The following NUP214 variants were observed in gnomAD, a reference collection of about 807,000 sequenced individuals.
NUP214 encodes the protein nucleoporin 214, also known as nuclear pore complex protein Nup214.
Under a neutral mutation model 196.2 loss-of-function variants are expected in NUP214, and 79 were observed. The ratio of observed to expected loss-of-function variants is 0.40; its 90% confidence interval spans 0.34 to 0.49. The LOEUF (loss-of-function observed/expected upper bound fraction) is 0.49. Ranked by LOEUF, NUP214 falls within the 20% of genes least tolerant of loss-of-function variation. NUP214 has a pLI of 0.58. For missense variants in NUP214, 2,468 were observed against 2,539.0 expected (o/e 0.97, Z 0.60); for synonymous variants, 1,020 against 990.5 (o/e 1.03, Z -0.56).
At chr9:131,171,508 T>C (rs946182095) in intron 21 of NUP214, among the ~76,000 whole-genome samples, 1 of 151,932 alleles carries the variant, frequency 6.6e-6, no homozygotes, top group Non-Finnish European at 1.5e-5. Context: ...ACCTAGCGGC[T>C]TAAAACAGTA....
Position 131,125,680 on chromosome 9 carries a change from G to C in NUP214, c.-25G>C, listed in dbSNP as rs983888635. Reference sequence around the variant, plus strand: ...AAGGCCGTGGGAGGCAGCGTTGGCTGCTTCGACACACTGAGGGCGGCGCGA... The same window carrying C: ...AAGGCCGTGGGAGGCAGCGTTGGCTCCTTCGACACACTGAGGGCGGCGCGA... On this transcript the variant is annotated 5_prime_UTR_variant, in exon 1 of 36. Coordinates refer to ENST00000359428, the MANE Select transcript of NUP214 (RefSeq NM_005085.4). The surrounding 1 kb of genome is among the most constrained non-coding windows in gnomAD (Gnocchi z 4.1). The C allele has an allele frequency of 3.0e-5, 47 of 1,548,050 alleles. No individual in the cohort carries two copies. In the Middle Eastern group the frequency reaches 6.7e-4, roughly 22 times the overall value.
intron 30 of NUP214, among the ~76,000 whole-genome samples, chr9:131,206,148 C>CTTTTTTCTTTTTTTTTTTTTTTTT (rs1301657384): frequency 1.3e-5 from 1 of 76,388 alleles, no homozygotes; most frequent in African/African-American, 5.3e-5. Flanking sequence ...TTTCTTTTTT[C>CTTTTTTCTTTTTTTTTTTTTTTTT]TTTTTTTTTT....
chr9:131,146,116 T>C lies in NUP214; in HGVS notation c.1770-13T>C, dbSNP rs770724850. ...GCAGGCTCTTCTGAGGCCTTCAGGCTGCCATTTTTCAGGTTTACTGCTGCA... is the reference window on the plus strand; with the variant it reads ...GCAGGCTCTTCTGAGGCCTTCAGGCCGCCATTTTTCAGGTTTACTGCTGCA... On this transcript the variant is annotated splice_polypyrimidine_tract_variant and intron_variant, in intron 12 of 35. Coordinates refer to ENST00000359428, the MANE Select transcript of NUP214 (RefSeq NM_005085.4). The surrounding 1 kb of genome is among the most constrained non-coding windows in gnomAD (Gnocchi z 4.6). 2 of 1,613,986 alleles carry C rather than the reference T, an allele frequency of 1.2e-6. No homozygotes were observed. Among genetic ancestry groups the C allele is most frequent in the South Asian group, 1.1e-5 (1 of 91,082 alleles).
At position 131,201,696 on chromosome 9, in the gene NUP214, T is replaced by C. The variant is rs1833943680; in HGVS notation, c.5571T>C (p.Thr1857=). The C allele has an allele frequency of 6.2e-7, 1 of 1,614,048 alleles. No homozygotes were observed. The highest frequency in any genetic ancestry group is 1.3e-5 in the African/African-American group (1 of 75,062). ...CTGTGTTTGGTCAAGCAGCCAGTAC[T>C]GGTGGAATAGTCTTTGGCCAGGTAA... is the stretch of plus-strand genomic sequence containing the variant. ...TGSVFGQAAS[T]GGIVFGQQSS... Residue 1857 remains threonine (T), a synonymous_variant, in exon 30 of 36, where the codon ACT becomes ACC. Coordinates refer to ENST00000359428, the MANE Select transcript of NUP214 (RefSeq NM_005085.4).
intron 24 of NUP214, 79 bp downstream of exon 24, chr9:131,178,489 C>A: frequency 9.9e-7 from 1 of 1,010,966 alleles, no homozygotes; most frequent in Non-Finnish European, 1.5e-6. Flanking sequence ...AGCAGCAGTG[C>A]CACTGTCACA....
intron 33 of NUP214, chr9:131,229,477 T>C: frequency 3.0e-6 from 1 of 336,154 alleles, no homozygotes; most frequent in South Asian, 2.2e-5. Flanking sequence ...AAGGTTTGGG[T>C]TGGCTGGGTA....
chr9:131,174,333 G>A lies in NUP214; in HGVS notation c.3157+15G>A. 1 of 1,601,968 alleles carries A rather than the reference G, an allele frequency of 6.2e-7. No individual in the cohort carries two copies. Among genetic ancestry groups the A allele is most frequent in the South Asian group, 1.1e-5 (1 of 88,710 alleles). Reference sequence around the variant, plus strand: ...GGGAACTTCAGGTAAGTAAACAGTGGGAAAGGAAACTGTTTTTCCCTATGA... The same window carrying A: ...GGGAACTTCAGGTAAGTAAACAGTGAGAAAGGAAACTGTTTTTCCCTATGA... On this transcript the variant is annotated intron_variant, in intron 22 of 35. Coordinates refer to ENST00000359428, the MANE Select transcript of NUP214 (RefSeq NM_005085.4).
chr9:131,189,623 T>C (rs1191837195), intron 26 of NUP214, among the ~76,000 whole-genome samples: 1 of 152,218 alleles, frequency 6.6e-6, no homozygotes, highest in Non-Finnish European at 1.5e-5. Flanking sequence ...AATGAGTCGA[T>C]ATTATGAGAT....
intron 34 of NUP214, among the ~76,000 whole-genome samples, 161 bp downstream of exon 34, chr9:131,230,930 G>A (rs933619196): frequency 3.5e-4 from 54 of 152,136 alleles, no homozygotes; most frequent in African/African-American, 1.3e-3. Context: ...GGAGACCAAG[G>A]CAGGAGGATC....
chr9:131,156,876 A>G (rs187847481), intron 17 of NUP214, among the ~76,000 whole-genome samples: 14 of 152,330 alleles, frequency 9.2e-5, no homozygotes, highest in African/African-American at 2.6e-4. Flanking sequence ...TTTAAACATA[A>G]TAAGATCTCT....
chr9:131,153,142 G>A (rs1468233664), intron 17 of NUP214: 1 of 152,080 alleles, frequency 6.6e-6, no homozygotes, highest in African/African-American at 2.4e-5. Flanking sequence ...CCGAATCATT[G>A]TGTCACTGGC....
chr9:131,172,341 A>G (rs566246425), intron 21 of NUP214, among the ~76,000 whole-genome samples: 69 of 152,304 alleles, frequency 4.5e-4, no homozygotes, highest in Admixed American at 8.5e-4. Context: ...TTTTGGCTGC[A>G]TAAATGTCTT....
At chr9:131,168,740 A>G (rs1037831401) in intron 21 of NUP214, among the ~76,000 whole-genome samples, 2 of 152,274 alleles carry the variant, frequency 1.3e-5, no homozygotes, top group Admixed American at 6.5e-5. Context: ...CCTATCAATA[A>G]TTGATTTTTG....
Position 131,132,115 on chromosome 9 carries a change from CTTTCTT to C in NUP214, c.664-477_664-472del, listed in dbSNP as rs1398430368. On this transcript the variant is annotated intron_variant, in intron 5 of 35. Transcript: ENST00000359428. ...TGCGTTCATGCGTTTCTTTTCTTTTCTTTCTTTTTTTTTTTTTTTTGGAGACCAAGT... is the reference window on the plus strand; with the variant it reads ...TGCGTTCATGCGTTTCTTTTCTTTTCTTTTTTTTTTTTTTGGAGACCAAGT... 8.9e-3 allele frequency among the ~76,000 whole-genome samples: 966 copies of C among 108,170 alleles called. 23 individuals are homozygous for C. The highest frequency in any genetic ancestry group is 0.032 in the African/African-American group (923 of 28,682). 71.0% of individuals were successfully genotyped at this position (108,170 alleles called of 152,430 possible).
At chr9:131,223,903 T>G (rs1007289746) in intron 32 of NUP214, among the ~76,000 whole-genome samples, 8 of 149,770 alleles carry the variant, frequency 5.3e-5, no homozygotes, top group African/African-American at 2.0e-4. Context: ...CCCGGCTAAT[T>G]TTTTGTATTT....
chr9:131,129,133 G>A (rs753667455), intron 3 of NUP214, 146 bp from the exon 4 acceptor site: 4 of 684,408 alleles, frequency 5.8e-6, no homozygotes, highest in Non-Finnish European at 9.8e-6. Flanking sequence ...ATAGATTGAT[G>A]CATAAAACAA....
At chr9:131,171,547 CTTTTTT>C (rs11334591) in intron 21 of NUP214, among the ~76,000 whole-genome samples, 1 of 127,348 alleles carries the variant, frequency 7.9e-6, no homozygotes. Context: ...GGAAGATTTT[CTTTTTT>C]TTTTTTTTTT....
At position 131,129,366 on chromosome 9, in the gene NUP214, G is replaced by A. The variant is rs1207078729; in HGVS notation, c.481G>A (p.Val161Ile). The part of the protein sequence containing the change: ...MVIDMKWNPT[V>I]PSMVAVCLAD... ...GATTGATATGAAGTGGAACCCCACT[G>A]TCCCCTCCATGGTGGCAGTTTGTCT... The change falls in exon 4 of 36, where the codon GTC becomes ATC. Residue 161 changes from valine (V) to isoleucine (I), a missense_variant. By Grantham distance (29) the Val-to-Ile change is conservative. This residue lies in a region of NUP214 where 392 missense variants were observed against 417.9 expected (regional missense o/e 0.94). Coordinates refer to ENST00000359428, the MANE Select transcript of NUP214 (RefSeq NM_005085.4). The A allele has an allele frequency of 6.2e-7, 1 of 1,614,090 alleles. No individual in the cohort carries two copies. Among genetic ancestry groups the A allele is most frequent in the African/African-American group, 1.3e-5 (1 of 74,942 alleles).
At chr9:131,133,910 G>A (rs955681232) in intron 7 of NUP214, among the ~76,000 whole-genome samples, 1 of 151,956 alleles carries the variant, frequency 6.6e-6, no homozygotes, top group African/African-American at 2.4e-5. Context: ...AAGGTGATGG[G>A]CTTGCTTTTA....
Sources: gnomAD v4.1 joint callset for allele counts (sites outside exome capture counted in the v4.1 genomes callset) on GRCh38, gnomAD v4.1.1 for gene constraint, gnomAD v4.1.1 regional missense constraint, Gnocchi (gnomAD v3.1) non-coding constraint, MANE v1.5 for transcripts, NCBI Gene and HGNC (gene_info 2026-07-23, HGNC 2026-07-21) for gene names.